The following MYT1L variants were observed in gnomAD, a reference collection of about 807,000 sequenced individuals.
MYT1L encodes myelin transcription factor 1-like protein.
In MYT1L, 12 loss-of-function variants were observed where a neutral mutation model predicts 126.7. The ratio of observed to expected loss-of-function variants is 0.09; its 90% CI spans 0.06 to 0.15. MYT1L has a LOEUF of 0.15. Ranked by LOEUF, MYT1L falls within the 10% of genes least tolerant of loss-of-function variation. The probability of loss-of-function intolerance (pLI) is 1.00; values close to 1 mark genes in which losing one functional copy is unlikely to be tolerated. For synonymous variants in MYT1L, 541 were observed against 604.2 expected, an observed-to-expected ratio of 0.90 and a Z score of 1.53; for missense variants, 979 against 1,585.2, an observed-to-expected ratio of 0.62 and a Z score of 6.49.
At chr2:1,941,733 A>G (rs2056677216) in intron 9 of MYT1L, among the ~76,000 whole-genome samples, 1 of 152,148 alleles carries the variant, frequency 6.6e-6, no homozygotes, top group Non-Finnish European at 1.5e-5. Context: ...ATATGCATCT[A>G]TGTGTATATA....
intron 4 of MYT1L, among the ~76,000 whole-genome samples, chr2:2,015,863 A>G (rs1000320072): frequency 4.6e-5 from 7 of 152,158 alleles, no homozygotes; most frequent in African/African-American, 1.4e-4. Flanking sequence ...TAACCCATAC[A>G]AAGTGAGATT....
At chr2:2,215,903 T>A (rs1188820128) in intron 2 of MYT1L, among the ~76,000 whole-genome samples, 1 of 152,138 alleles carries the variant, frequency 6.6e-6, no homozygotes, top group Non-Finnish European at 1.5e-5. Flanking sequence ...GGTGTTCGGG[T>A]CATAGGGGTG....
At chr2:1,861,049 G>C (rs1366288342) in intron 18 of MYT1L, among the ~76,000 whole-genome samples, 1 of 152,238 alleles carries the variant, frequency 6.6e-6, no homozygotes, top group East Asian at 1.9e-4. Flanking sequence ...GAGGGAAGCG[G>C]CGACAATGGC....
intron 4 of MYT1L, among the ~76,000 whole-genome samples, chr2:2,022,564 T>G (rs568073734): frequency 6.6e-6 from 1 of 152,276 alleles, no homozygotes; most frequent in East Asian, 1.9e-4. Context: ...TCTGGAAGTA[T>G]GCCAACAGAT....
At chr2:1,980,800 T>A (rs2060550499) in intron 5 of MYT1L, among the ~76,000 whole-genome samples, 1 of 152,126 alleles carries the variant, frequency 6.6e-6, no homozygotes, top group Admixed American at 6.6e-5. Context: ...TACGAGTATG[T>A]TTGTTCACCA....
intron 3 of MYT1L, among the ~76,000 whole-genome samples, chr2:2,104,667 A>AC (rs2078526249): frequency 6.6e-6 from 1 of 152,206 alleles, no homozygotes; most frequent in Non-Finnish European, 1.5e-5. Flanking sequence ...TGTCCGGCTC[A>AC]CTGGCCATCC....
At chr2:1,984,350 C>G (rs1283266771) in intron 5 of MYT1L, among the ~76,000 whole-genome samples, 1 of 151,962 alleles carries the variant, frequency 6.6e-6, no homozygotes. Flanking sequence ...TGTGTGCCAC[C>G]ATGCCTGGCT....
chr2:1,813,153 G>A (rs1353112669), intron 21 of MYT1L, among the ~76,000 whole-genome samples: 1 of 152,208 alleles, frequency 6.6e-6, no homozygotes, highest in Non-Finnish European at 1.5e-5. Context: ...TTTGCGAATG[G>A]CATTGAGGGG....
At chr2:2,144,712 T>C (rs988537843) in intron 3 of MYT1L, among the ~76,000 whole-genome samples, 6 of 152,122 alleles carry the variant, frequency 3.9e-5, no homozygotes, top group Non-Finnish European at 7.3e-5. Flanking sequence ...TTACATGTAA[T>C]GGAATCGTTT....
intron 2 of MYT1L, among the ~76,000 whole-genome samples, chr2:2,194,623 GTGTC>G (rs2092721675): frequency 6.6e-6 from 1 of 152,050 alleles, no homozygotes; most frequent in South Asian, 2.1e-4. Context: ...AAGCAGTAGA[GTGTC>G]TGTCACTCCA....
chr2:1,833,580 C>A (rs150150233), intron 21 of MYT1L, among the ~76,000 whole-genome samples: 3 of 152,322 alleles, frequency 2.0e-5, no homozygotes, highest in East Asian at 3.9e-4. Context: ...TCTCCCCCTC[C>A]TTTCTGGGAG....
chr2:1,799,284 G>A (rs2034388995), intron 23 of MYT1L, among the ~76,000 whole-genome samples: 2 of 152,360 alleles, frequency 1.3e-5, no homozygotes, highest in African/African-American at 4.8e-5. Flanking sequence ...AGACCTGAGT[G>A]TTTCCTGAGG....
At chr2:1,881,942 T>C (rs760965773) in intron 18 of MYT1L, among the ~76,000 whole-genome samples, 1 of 152,080 alleles carries the variant, frequency 6.6e-6, no homozygotes, top group African/African-American at 2.4e-5. Context: ...GCCCTGATTT[T>C]GAGGAGCAGG....
chr2:2,139,139 T>C (rs2083543180), intron 3 of MYT1L, among the ~76,000 whole-genome samples: 1 of 151,572 alleles, frequency 6.6e-6, no homozygotes. Flanking sequence ...GAGGACTTCC[T>C]GCAACAGAGC....
chr2:2,017,990 CTTAAAA>C (rs1371750996), intron 4 of MYT1L, among the ~76,000 whole-genome samples: 4 of 152,172 alleles, frequency 2.6e-5, no homozygotes, highest in African/African-American at 7.2e-5. Context: ...GCACTACACT[CTTAAAA>C]TTAAGTTTAT....
intron 13 of MYT1L, among the ~76,000 whole-genome samples, chr2:1,904,029 C>G (rs1428610396): frequency 6.6e-6 from 1 of 152,172 alleles, no homozygotes; most frequent in Non-Finnish European, 1.5e-5. Context: ...CTTGAAATAA[C>G]TTTAGACTTG....
intron 8 of MYT1L, among the ~76,000 whole-genome samples, chr2:1,954,406 C>T (rs1367074176): frequency 6.6e-6 from 1 of 152,200 alleles, no homozygotes; most frequent in Non-Finnish European, 1.5e-5. Context: ...CACGTGCAGT[C>T]AGTCCATCCC....
Position 1,993,929 on chromosome 2 carries a change from C to T in MYT1L, c.-1+3262G>A, listed in dbSNP as rs143983598. Among the ~76,000 whole-genome samples the T allele has an allele frequency of 1.7e-4, 26 of 152,302 alleles. No individual in the cohort carries two copies. In the East Asian group the frequency reaches 4.4e-3, roughly 26 times the overall value. On this transcript the variant is annotated intron_variant, in intron 5 of 24. Coordinates refer to ENST00000647738, the MANE Select transcript of MYT1L (RefSeq NM_001303052.2). ...TCGTCTGTGAAATTGTGATTCATATCCTTTGCCTGTTTTTCTTCTTTCTTT... is the reference window on the plus strand; with the variant it reads ...TCGTCTGTGAAATTGTGATTCATATTCTTTGCCTGTTTTTCTTCTTTCTTT...
intron 2 of MYT1L, among the ~76,000 whole-genome samples, chr2:2,197,100 TG>T: frequency 6.6e-6 from 1 of 152,326 alleles, no homozygotes; most frequent in Non-Finnish European, 1.5e-5. Context: ...AATTTTTGAA[TG>T]TTGGTTAGGG....
Sources: allele counts gnomAD v4.1 joint callset (sites outside exome capture counted in the v4.1 genomes callset), GRCh38; gene constraint gnomAD v4.1.1; transcripts MANE v1.5; gene names NCBI Gene and HGNC (gene_info 2026-07-23, HGNC 2026-07-21).